Variants in WWC2 observed in about 807,000 individuals in gnomAD.
WWC2 encodes the protein WW and C2 domain containing 2.
WWC2 carries 101 observed loss-of-function variants against 138.5 expected under a neutral mutation model. That is an observed-to-expected ratio of 0.73 (90% confidence interval 0.62 to 0.86). WWC2 has a LOEUF of 0.86. Among genes scored for constraint, WWC2 ranks in the 40% least tolerant of loss-of-function variants. The pLI, the probability that WWC2 is intolerant of heterozygous loss-of-function variation, is 0.00. For missense variants in WWC2, 1,420 were observed against 1,419.4 expected (o/e 1.00, Z -0.01); for synonymous variants, 558 against 538.4 (o/e 1.04, Z -0.50).
intron 21 of WWC2, among the ~76,000 whole-genome samples, chr4:183,302,314 C>G (rs938105405): frequency 3.3e-5 from 5 of 152,170 alleles, no homozygotes; most frequent in Admixed American, 1.3e-4. Flanking sequence ...AGTGGATGCA[C>G]GTGGGATGAC....
chr4:183,252,700 C>T (rs1737016354), intron 8 of WWC2, among the ~76,000 whole-genome samples: 1 of 152,202 alleles, frequency 6.6e-6, no homozygotes, highest in Non-Finnish European at 1.5e-5. Flanking sequence ...AGAGCAACCA[C>T]AGGGCTAGCA....
intron 6 of WWC2, among the ~76,000 whole-genome samples, chr4:183,247,605 CTATA>C (rs1239292968): frequency 8.3e-6 from 1 of 120,444 alleles, no homozygotes; most frequent in Non-Finnish European, 1.7e-5. Context: ...GCTATATATG[CTATA>C]TATACTATAT....
intron 20 of WWC2, 148 bp from the exon 21 acceptor site, chr4:183,289,245 T>C (rs1211998344): frequency 1.6e-6 from 2 of 1,214,916 alleles, no homozygotes; most frequent in African/African-American, 3.1e-5. Flanking sequence ...TCACCTGCCA[T>C]GGGCCAGAGC....
intron 19 of WWC2, 59 bp downstream of exon 19, chr4:183,284,449 G>GGAA: frequency 6.3e-7 from 1 of 1,583,398 alleles, no homozygotes; most frequent in Non-Finnish European, 8.6e-7. Context: ...CTGCTGGTAG[G>GGAA]GAGTGGCCTG....
rs1739578032 is a variant in WWC2 at position 183,319,854 on chromosome 4, C to T, written c.*4125C>T. ...TCCCGAGGCCCAGGACAGAATTCCT[C>T]CCAGGATCAGCAGTCGCCTCTTGAG... On this transcript the variant is annotated 3_prime_UTR_variant, in exon 23 of 23. Transcript: ENST00000403733. The T allele has an allele frequency of 6.2e-7, 1 of 1,613,986 alleles. No individual in the cohort carries two copies. The highest frequency in any genetic ancestry group is 1.3e-5 in the African/African-American group (1 of 75,038).
intron 4 of WWC2, among the ~76,000 whole-genome samples, chr4:183,237,057 A>C (rs552760723): frequency 1.3e-5 from 2 of 152,190 alleles, no homozygotes; most frequent in Non-Finnish European, 2.9e-5. Context: ...TAAAAAAAAG[A>C]AAAAAAGCAA....
At chr4:183,287,491 G>T (rs953415241) in intron 20 of WWC2, among the ~76,000 whole-genome samples, 1 of 152,110 alleles carries the variant, frequency 6.6e-6, no homozygotes. Context: ...GTTGAGAAAC[G>T]GTTAGGTTAC....
intron 16 of WWC2, among the ~76,000 whole-genome samples, chr4:183,272,547 C>T (rs552061765): frequency 6.6e-6 from 1 of 152,260 alleles, no homozygotes; most frequent in African/African-American, 2.4e-5. Flanking sequence ...AATATTAGAA[C>T]ATTGTCATCG....
At chr4:183,193,384 A>G (rs1239639242) in intron 1 of WWC2, among the ~76,000 whole-genome samples, 1 of 152,160 alleles carries the variant, frequency 6.6e-6, no homozygotes, top group Non-Finnish European at 1.5e-5. Context: ...TATTTAGTGT[A>G]TAGATTTATC....
intron 4 of WWC2, among the ~76,000 whole-genome samples, chr4:183,220,895 T>G (rs1427125578): frequency 6.7e-6 from 1 of 148,736 alleles, no homozygotes; most frequent in Non-Finnish European, 1.5e-5. Flanking sequence ...AATGGAACCA[T>G]TAGAAAAAAT....
chr4:183,169,234 A>G (rs953417659), intron 1 of WWC2, among the ~76,000 whole-genome samples: 5 of 152,244 alleles, frequency 3.3e-5, no homozygotes, highest in African/African-American at 1.2e-4. Context: ...CTTACAAATC[A>G]TTGGCACATG....
intron 1 of WWC2, among the ~76,000 whole-genome samples, chr4:183,133,701 T>C (rs540993704): frequency 1.3e-5 from 2 of 152,294 alleles, no homozygotes. Context: ...TTCACCGTGT[T>C]GGCCAGGCTG....
intron 2 of WWC2, 71 bp from the exon 3 acceptor site, chr4:183,207,882 C>T: frequency 7.3e-7 from 1 of 1,370,562 alleles, no homozygotes; most frequent in Non-Finnish European, 9.8e-7. Context: ...AGCTAGCCTA[C>T]TCCCTAAAGC....
At chr4:183,260,013 A>G (rs1737274237) in intron 10 of WWC2, among the ~76,000 whole-genome samples, 1 of 152,180 alleles carries the variant, frequency 6.6e-6, no homozygotes, top group South Asian at 2.1e-4. Flanking sequence ...TTAAAAAGGG[A>G]AAGTGGAGGA....
intron 1 of WWC2, among the ~76,000 whole-genome samples, chr4:183,168,971 C>T (rs879756338): frequency 3.7e-4 from 56 of 152,210 alleles, no homozygotes; most frequent in Middle Eastern, 3.4e-3. Flanking sequence ...GGCTCAGCCT[C>T]CCGAGTAGCT....
chr4:183,209,447 C>T (rs1735538507), intron 4 of WWC2, among the ~76,000 whole-genome samples: 1 of 152,126 alleles, frequency 6.6e-6, no homozygotes. Context: ...AGGCTGGTCA[C>T]ATTGGTCTTG....
chr4:183,188,261 CAG>C (rs1349960596), intron 1 of WWC2, among the ~76,000 whole-genome samples: 11 of 152,026 alleles, frequency 7.2e-5, no homozygotes, highest in Admixed American at 6.6e-4. Context: ...GTTTTTGAGA[CAG>C]AGTCTCGCTG....
chr4:183,253,750 T>A lies in WWC2; in HGVS notation c.954-7T>A. On this transcript the variant is annotated splice_region_variant and splice_polypyrimidine_tract_variant and intron_variant, in intron 8 of 22. Coordinates refer to ENST00000403733, the MANE Select transcript of WWC2 (RefSeq NM_024949.6). ...TGTGCATACCTCTTCTATCTTTTTT[T>A]TTTTAGTATGGCCAACTTAAAAATT... The A allele has an allele frequency of 6.2e-7, 1 of 1,604,520 alleles. No individual in the cohort carries two copies. The highest frequency in any genetic ancestry group is 1.1e-5 in the South Asian group (1 of 89,488).
At chr4:183,172,885 C>T (rs1734335339) in intron 1 of WWC2, among the ~76,000 whole-genome samples, 1 of 152,022 alleles carries the variant, frequency 6.6e-6, no homozygotes, top group South Asian at 2.1e-4. Flanking sequence ...CTTATCTTTT[C>T]CCTTCTGTCT....
Sources: gnomAD v4.1 joint callset for allele counts (sites outside exome capture counted in the v4.1 genomes callset) on GRCh38, gnomAD v4.1.1 for gene constraint, MANE v1.5 for transcripts, NCBI Gene and HGNC (gene_info 2026-07-23, HGNC 2026-07-21) for gene names.